STAG2: variants seen among roughly 807,000 people sequenced by gnomAD.
STAG2 encodes the protein STAG2 cohesin complex component.
In STAG2, 14 loss-of-function variants were observed where a neutral mutation model predicts 108.1. That is an observed-to-expected ratio of 0.13 (90% CI 0.09 to 0.20). The LOEUF is 0.20. Among genes scored for constraint, STAG2 ranks in the 10% least tolerant of loss-of-function variants. The probability of loss-of-function intolerance (pLI) is 1.00; values close to 1 mark genes in which losing one functional copy is unlikely to be tolerated. For missense variants in STAG2, 440 were observed against 940.9 expected, an observed-to-expected ratio of 0.47 and a Z score of 6.96; for synonymous variants, 307 against 302.7, an observed-to-expected ratio of 1.01 and a Z score of -0.15.
intron 5 of STAG2, among the ~76,000 whole-genome samples, chrX:124,035,006 C>T (rs1250977958): frequency 1.8e-5 from 2 of 109,547 alleles, no homozygotes; most frequent in Non-Finnish European, 3.8e-5. Context: ...AAGTGATTCT[C>T]ATGCCTCAGC....
At chrX:124,017,044 G>A (rs2056754720) in intron 1 of STAG2, among the ~76,000 whole-genome samples, 2 of 110,322 alleles carry the variant, frequency 1.8e-5, no homozygotes, top group Non-Finnish European at 3.8e-5. Context: ...GAATATTTCT[G>A]CATTTTTAGT....
intron 30 of STAG2, 86 bp from the exon 31 acceptor site, chrX:124,090,489 G>A (rs2148488040): frequency 2.6e-6 from 2 of 770,173 alleles, no homozygotes; most frequent in Non-Finnish European, 3.8e-6. Context: ...GAAATCAACA[G>A]ATGTTTATTG....
intron 15 of STAG2, among the ~76,000 whole-genome samples, chrX:124,060,845 A>C (rs1426436204): frequency 9.2e-6 from 1 of 108,589 alleles, no homozygotes; most frequent in Non-Finnish European, 1.9e-5. Context: ...AATCATTTGA[A>C]CCTGGGAGGC....
chrX:124,088,615 C>CTTTT (rs35629422), intron 30 of STAG2, among the ~76,000 whole-genome samples: 2 of 82,289 alleles, frequency 2.4e-5, no homozygotes, highest in African/African-American at 8.8e-5. Context: ...TATGTATAAT[C>CTTTT]TTTTTTTTTT....
rs113245887 is a variant in STAG2, at chrX:124,001,450, A to G, written c.-162-19917A>G. 6.5e-3 allele frequency among the ~76,000 whole-genome samples: 727 copies of G among 111,693 alleles called. 5 individuals are homozygous for G. The highest frequency in any genetic ancestry group is 0.022 in the African/African-American group (684 of 30,728). The stretch of plus-strand genomic sequence containing the variant: ...ATGTACAGTGTTTATAAAGTGTACA[A>G]TAGTGTCTAGTAATGTCCTAGACCT... On this transcript the variant is annotated intron_variant, in intron 1 of 34. Transcript: ENST00000371145.
At chrX:123,987,012 A>C (rs1406154156) in intron 1 of STAG2, among the ~76,000 whole-genome samples, 2 of 109,003 alleles carry the variant, frequency 1.8e-5, no homozygotes, top group South Asian at 3.9e-4. Context: ...AATTTTTTTT[A>C]GACGGAGTCT....
At chrX:123,972,496 C>T (rs1344006245) in intron 1 of STAG2, among the ~76,000 whole-genome samples, 7 of 108,818 alleles carry the variant, frequency 6.4e-5, no homozygotes, top group Non-Finnish European at 1.1e-4. Flanking sequence ...TGGTCTTGAT[C>T]TCCTGACCTC....
chrX:124,086,135 A>G (rs749916625), intron 29 of STAG2, among the ~76,000 whole-genome samples: 74 of 63,442 alleles, frequency 1.2e-3, no homozygotes, highest in African/African-American at 3.8e-3. Flanking sequence ...TAGAATTGTA[A>G]GAATAGTTAA....
Position 124,094,145 on chromosome X carries a change from G to A in STAG2, c.3705+1G>A. On this transcript the variant is annotated splice_donor_variant, in intron 33 of 34. Transcript: ENST00000371145. LOFTEE classifies it high-confidence loss of function. ...TTTTGACACCATGGATATAGATTTG[G>A]TAAGAAACTTAATGATTTCTGTAAG... The A allele has an allele frequency of 8.4e-7, 1 of 1,197,402 alleles. No individual in the cohort carries two copies. Among genetic ancestry groups the A allele is most frequent in the Non-Finnish European group, 1.1e-6 (1 of 886,664 alleles).
chrX:124,011,735 G>T (rs995433134), intron 1 of STAG2, among the ~76,000 whole-genome samples: 5 of 110,916 alleles, frequency 4.5e-5, no homozygotes, highest in African/African-American at 1.6e-4. Flanking sequence ...CATGGCAATG[G>T]GACTGAGGGT....
In STAG2 at chrX:124,007,764, T is replaced by A. The variant is rs111995418; in HGVS notation, c.-162-13603T>A. 6.8e-3 allele frequency among the ~76,000 whole-genome samples: 768 copies of A among 112,335 alleles called. 7 individuals carry two copies. Among genetic ancestry groups the A allele is most frequent in the African/African-American group, 0.023 (724 of 30,953 alleles). On this transcript the variant is annotated intron_variant, in intron 1 of 34. Coordinates refer to ENST00000371145, the MANE Select transcript of STAG2 (RefSeq NM_001042750.2). Reference sequence around the variant, plus strand: ...CACATTTTACATTATATTACATAATTTGATGTAAACTTAAATATTAAGTAG... The same window carrying A: ...CACATTTTACATTATATTACATAATATGATGTAAACTTAAATATTAAGTAG...
chrX:124,061,918 C>T (rs2148313230), intron 17 of STAG2, 44 bp downstream of exon 17: 1 of 956,516 alleles, frequency 1.0e-6, no homozygotes. Flanking sequence ...CTCCATTTCT[C>T]CTTTTTCAGT....
intron 1 of STAG2, among the ~76,000 whole-genome samples, chrX:123,994,235 A>G (rs1013203352): frequency 9.0e-6 from 1 of 111,592 alleles, no homozygotes; most frequent in African/African-American, 3.3e-5. Context: ...TTGGGAATGA[A>G]TCCATTTCCA....
intron 32 of STAG2, among the ~76,000 whole-genome samples, chrX:124,091,909 T>C (rs1222221565): frequency 8.9e-6 from 1 of 112,510 alleles, no homozygotes; most frequent in East Asian, 2.8e-4. Context: ...CTTTCTAAAA[T>C]CTTCATTAGC....
chrX:124,088,396 G>A (rs756545720), intron 30 of STAG2, among the ~76,000 whole-genome samples: 15 of 111,092 alleles, frequency 1.4e-4, no homozygotes, highest in Non-Finnish European at 2.3e-4. Context: ...GCATTAATAA[G>A]TTAACAGAAG....
intron 33 of STAG2, among the ~76,000 whole-genome samples, chrX:124,094,496 A>G (rs1241980617): frequency 8.9e-6 from 1 of 112,323 alleles, no homozygotes; most frequent in Non-Finnish European, 1.9e-5. Flanking sequence ...GTATACCATT[A>G]TCAAAACAAT....
intron 1 of STAG2, among the ~76,000 whole-genome samples, chrX:123,989,881 C>T (rs371689426): frequency 1.7e-4 from 19 of 111,107 alleles, no homozygotes; most frequent in African/African-American, 5.2e-4. Flanking sequence ...GGATTACAGG[C>T]GTGAGCCACC....
intron 1 of STAG2, among the ~76,000 whole-genome samples, chrX:123,973,540 CA>C (rs35943528): frequency 3.9e-3 from 179 of 46,169 alleles, no homozygotes; most frequent in African/African-American, 6.5e-3. Flanking sequence ...GACTCTGTCT[CA>C]AAAAAAAAAA....
At chrX:124,065,647 G>C (rs1426830755) in intron 20 of STAG2, among the ~76,000 whole-genome samples, 7 of 111,733 alleles carry the variant, frequency 6.3e-5, no homozygotes, top group Non-Finnish European at 1.1e-4. Flanking sequence ...AGAAAAAGAA[G>C]AATGTCATTT....
Sources: allele counts gnomAD v4.1 joint callset (sites outside exome capture counted in the v4.1 genomes callset), GRCh38; gene constraint gnomAD v4.1.1; transcripts MANE v1.5; gene names NCBI Gene and HGNC (gene_info 2026-07-23, HGNC 2026-07-21).